The following UCKL1 variants were observed in gnomAD, a reference collection of about 807,000 sequenced individuals.
UCKL1 encodes the protein uridine-cytidine kinase 1 like 1.
UCKL1 carries 65 observed loss-of-function variants against 59.2 expected under a neutral mutation model. The ratio of observed to expected loss-of-function variants is 1.10; its 90% CI spans 0.90 to 1.35. UCKL1 has a LOEUF of 1.35. Ranked by LOEUF, UCKL1 falls within the 40% of genes most tolerant of loss-of-function variation. UCKL1 has a pLI of 0.00. For missense variants in UCKL1, 703 were observed against 784.3 expected, an observed-to-expected ratio of 0.90 and a Z score of 1.24; for synonymous variants, 410 against 323.1, an observed-to-expected ratio of 1.27 and a Z score of -2.88.
At position 63,940,711 on chromosome 20, in the gene UCKL1, G is replaced by A. The variant is rs781061901; in HGVS notation, c.1185C>T (p.Thr395=). 34 of 1,607,682 alleles carry A rather than the reference G, an allele frequency of 2.1e-5. No individual in the cohort carries two copies. Among genetic ancestry groups the A allele is most frequent in the Non-Finnish European group, 1.7e-6 (2 of 1,178,338 alleles). ...AGKCYAGKQI[T]GVSILRAGET... is the part of the protein sequence containing the mutation. ...CACCGGCGCGCAGAATGGACACACC[G>A]GTGATCTGCGGGGAGGGGAGGCTAA... is the stretch of plus-strand genomic sequence containing the variant. Residue 395 remains threonine, a synonymous_variant, in exon 12 of 15, where the codon ACC becomes ACT. Coordinates refer to ENST00000354216, the MANE Select transcript of UCKL1 (RefSeq NM_017859.4).
chr20:63,947,093 C>A (rs1376375920), intron 1 of UCKL1, among the ~76,000 whole-genome samples: 2 of 150,960 alleles, frequency 1.3e-5, no homozygotes, highest in South Asian at 2.1e-4. Context: ...AAAAAAAAAA[C>A]CCTGCCTCCT....
chr20:63,942,077 G>A (rs1488398241), intron 8 of UCKL1, among the ~76,000 whole-genome samples: 1 of 220 alleles, frequency 4.5e-3, no homozygotes. Context: ...GCGGGGCCGG[G>A]AATGGGGTGT....
Position 63,943,571 on chromosome 20 carries a change from G to A in UCKL1, c.923+82C>T, listed in dbSNP as rs944831012. On this transcript the variant is annotated intron_variant, in intron 8 of 14. Transcript: ENST00000354216. ...TGACTGGGGAAGAGCCAGCTGCCTG[G>A]CTGGATCACAGCCCAGACCCCAGAG... 3.1e-6 allele frequency: 5 copies of A among 1,598,528 alleles called. No homozygotes were observed. In the African/African-American group the frequency reaches 5.4e-5, roughly 17 times the overall value.
intron 1 of UCKL1, among the ~76,000 whole-genome samples, chr20:63,950,174 C>T (rs577893980): frequency 9.8e-5 from 15 of 152,322 alleles, no homozygotes; most frequent in African/African-American, 2.9e-4. Context: ...AGGCCTGTGA[C>T]GGCGTCAGGC....
chr20:63,946,323 A>G (rs2056188843), intron 2 of UCKL1, 56 bp from the exon 3 acceptor site: 1 of 1,539,114 alleles, frequency 6.5e-7, no homozygotes. Flanking sequence ...CGGCACAGAT[A>G]GGTCCCAGAG....
At chr20:63,952,931 C>G (rs1268908008) in intron 1 of UCKL1, among the ~76,000 whole-genome samples, 1 of 152,250 alleles carries the variant, frequency 6.6e-6, no homozygotes, top group African/African-American at 2.4e-5. Context: ...TGATCAGGCC[C>G]CATAACTGAT....
At position 63,940,974 on chromosome 20, in the gene UCKL1, G is replaced by A; in HGVS notation, c.1092C>T (p.His364=). 6.5e-7 allele frequency: 1 copy of A among 1,527,670 alleles called. No homozygotes were observed. Among genetic ancestry groups the A allele is most frequent in the Non-Finnish European group, 8.8e-7 (1 of 1,135,768 alleles). 94.6% of individuals were successfully genotyped at this position (1,527,670 alleles called of 1,614,324 possible). ...SKRLMRLLIE[H]ALSFLPFQDC... is the part of the protein sequence containing the mutation. ...CCTGAAAGGGCAGGAAGGAGAGCGC[G>A]TGCTCGATGAGCAGCCGCATCAGTC... Residue 364 remains histidine (H), a synonymous_variant, in exon 10 of 15, where the codon CAC becomes CAT. Coordinates refer to ENST00000354216, the MANE Select transcript of UCKL1 (RefSeq NM_017859.4).
chr20:63,943,088 A>T (rs1043495296), intron 8 of UCKL1, among the ~76,000 whole-genome samples: 15 of 152,210 alleles, frequency 9.9e-5, no homozygotes, highest in African/African-American at 3.6e-4. Flanking sequence ...GGGGAGGGAC[A>T]GTGGGATGCG....
In UCKL1 at chr20:63,946,154, G is replaced by T; in HGVS notation, c.411+7C>A. The T allele has an allele frequency of 6.2e-7, 1 of 1,611,398 alleles. No individual in the cohort carries two copies. Among genetic ancestry groups the T allele is most frequent in the Non-Finnish European group, 8.5e-7 (1 of 1,179,050 alleles). ...GGGGTCCTCGGGGGAGCTGGGCGGG[G>T]GCCCACCTTGTAGAAGGAGTCCATG... On this transcript the variant is annotated splice_region_variant and intron_variant, in intron 3 of 14. Transcript: ENST00000354216.
At chr20:63,940,880 C>G (rs2054193909) in intron 10 of UCKL1, 24 bp from the exon 11 acceptor site, 1 of 1,528,272 alleles carries the variant, frequency 6.5e-7, no homozygotes, top group Admixed American at 2.0e-5. Context: ...GGTGAGGACT[C>G]CGGTGAGCGC....
rs1300427398 is a variant in UCKL1 at position 63,944,435 on chromosome 20, C to T, written c.868G>A (p.Asp290Asn). ...CTGTGCACGTGCTGCACAATCAGGT[C>T]GATGGCCACCGTGTTGCCGCTCCCT... Reference protein sequence around the residue: ...PRGSGNTVAIDLIVQHVHSQL... With the variant: ...PRGSGNTVAINLIVQHVHSQL... The change falls in exon 7 of 15, where the codon GAC becomes AAC. Residue 290 changes from aspartate to asparagine, a missense_variant. Coordinates refer to ENST00000354216, the MANE Select transcript of UCKL1 (RefSeq NM_017859.4). 3.8e-6 allele frequency: 6 copies of T among 1,574,860 alleles called. No homozygotes were observed. Among genetic ancestry groups the T allele is most frequent in the Non-Finnish European group, 5.2e-6 (6 of 1,161,066 alleles).
intron 1 of UCKL1, chr20:63,951,015 C>A (rs1398785403): frequency 7.9e-7 from 1 of 1,271,768 alleles, no homozygotes; most frequent in Admixed American, 3.9e-5. Context: ...GTGGGCAGCA[C>A]AGTGGGTGCA....
intron 7 of UCKL1, 40 bp from the exon 8 acceptor site, chr20:63,943,709 G>A (rs772788869): frequency 1.1e-5 from 18 of 1,611,934 alleles, no homozygotes; most frequent in African/African-American, 6.7e-5. Context: ...GAACGGTGGC[G>A]CGTCAGTGAC....
intron 3 of UCKL1, 49 bp from the exon 4 acceptor site, chr20:63,946,024 C>T (rs1192685846): frequency 2.5e-6 from 4 of 1,611,458 alleles, no homozygotes; most frequent in Admixed American, 1.7e-5. Flanking sequence ...GGGCCCTCAC[C>T]CAATGCCAGC....
At position 63,940,991 on chromosome 20, in the gene UCKL1, G is replaced by GC. The variant is rs763956980; in HGVS notation, c.1074dup (p.Arg359AlafsTer46). Reference sequence around the variant, plus strand: ...GAGAGCGCGTGCTCGATGAGCAGCCGCATCAGTCTCTTGGAGTAGAAGATG... The same window carrying GC: ...GAGAGCGCGTGCTCGATGAGCAGCCGCCATCAGTCTCTTGGAGTAGAAGATG... On this transcript the variant is annotated frameshift_variant, in exon 10 of 15. Coordinates refer to ENST00000354216, the MANE Select transcript of UCKL1 (RefSeq NM_017859.4). LOFTEE classifies it high-confidence loss of function. 6.5e-7 allele frequency: 1 copy of GC among 1,534,146 alleles called. No individual in the cohort carries two copies. The highest frequency in any genetic ancestry group is 2.3e-5 in the East Asian group (1 of 43,880).
rs191164668 is a variant in UCKL1, at chr20:63,945,637, C to T, written c.654+14G>A. The T allele has an allele frequency of 9.4e-5, 152 of 1,612,500 alleles. No homozygotes were observed. Among genetic ancestry groups the T allele is most frequent in the Middle Eastern group, 6.6e-4 (4 of 6,060 alleles). On this transcript the variant is annotated intron_variant, in intron 5 of 14. Coordinates refer to ENST00000354216, the MANE Select transcript of UCKL1 (RefSeq NM_017859.4). ...GAGATACCAGCGGGGTGGGTATTCC[C>T]GGCGGGTGCTTACCTCCAACAGTGT...
Position 63,944,669 on chromosome 20 carries a change from C to T in UCKL1, c.720G>A (p.Arg240=), listed in dbSNP as rs779929759. 1.9e-6 allele frequency: 3 copies of T among 1,612,710 alleles called. No individual in the cohort carries two copies. The South Asian group carries it at 3.3e-5, about 18-fold the overall frequency. ...TGTCCCGGCCGCGCTCACTGATGTC[C>T]CGGCGCAGCCGCCGTACCAGGCGGA... ...SDIRLVRRLR[R]DISERGRDIE... The change falls in exon 6 of 15, where the codon CGG becomes CGA. Residue 240 remains arginine (R), a synonymous_variant. Coordinates refer to ENST00000354216, the MANE Select transcript of UCKL1 (RefSeq NM_017859.4).
At chr20:63,949,639 C>T (rs940103023) in intron 1 of UCKL1, among the ~76,000 whole-genome samples, 1 of 152,222 alleles carries the variant, frequency 6.6e-6, no homozygotes, top group African/African-American at 2.4e-5. Context: ...CAGAAACGCT[C>T]TGGTGGCCCT....
At chr20:63,940,352 G>A (rs1045381622) in intron 13 of UCKL1, 26 bp downstream of exon 13, 2 of 1,611,520 alleles carry the variant, frequency 1.2e-6, no homozygotes, top group Non-Finnish European at 1.7e-6. Context: ...GCCTGAACCT[G>A]CCCCGCCTAC....
Sources: allele counts gnomAD v4.1 joint callset (sites outside exome capture counted in the v4.1 genomes callset), GRCh38; gene constraint gnomAD v4.1.1; transcripts MANE v1.5; gene names NCBI Gene and HGNC (gene_info 2026-07-23, HGNC 2026-07-21).